The following SUMF1 variants were observed in gnomAD, a reference collection of about 807,000 sequenced individuals.
SUMF1 encodes formylglycine-generating enzyme.
A neutral mutation model predicts 47.6 loss-of-function variants in SUMF1; 48 were observed. The observed-to-expected ratio is 1.01, with a 90% CI of 0.80 to 1.28. SUMF1 has a LOEUF of 1.28. Ranked by LOEUF, SUMF1 falls within the 50% of genes most tolerant of loss-of-function variation. The pLI, the probability that SUMF1 is intolerant of heterozygous loss-of-function variation, is 0.00. For synonymous variants in SUMF1, 230 were observed against 192.1 expected, an observed-to-expected ratio of 1.20 and a Z score of -1.63; for missense variants, 571 against 485.4, an observed-to-expected ratio of 1.18 and a Z score of -1.66.
At chr3:4,159,898 A>AT (rs1299767847) in intron 8 of SUMF1, among the ~76,000 whole-genome samples, 1 of 152,144 alleles carries the variant, frequency 6.6e-6, no homozygotes, top group Non-Finnish European at 1.5e-5. Context: ...TGGCCTATAC[A>AT]GTTTCCACTG....
At chr3:4,216,737 T>C (rs1288304297) in intron 8 of SUMF1, among the ~76,000 whole-genome samples, 1 of 152,218 alleles carries the variant, frequency 6.6e-6, no homozygotes, top group African/African-American at 2.4e-5. Context: ...AGAAGACATT[T>C]ATGCAGTCAA....
chr3:4,161,488 CAACT>C (rs1694575575), intron 8 of SUMF1, among the ~76,000 whole-genome samples: 1 of 152,088 alleles, frequency 6.6e-6, no homozygotes, highest in African/African-American at 2.4e-5. Context: ...TCTATTCTAC[CAACT>C]GAGTTGGCAC....
chr3:4,360,312 C>T (rs2125171002), downstream of SUMF1, among the ~76,000 whole-genome samples: 1 of 146,030 alleles, frequency 6.8e-6, no homozygotes, highest in South Asian at 2.2e-4. Context: ...AACGTGCCAG[C>T]TACATGACTT....
chr3:4,071,324 C>T (rs929662757), intron 8 of SUMF1, among the ~76,000 whole-genome samples: 2 of 152,072 alleles, frequency 1.3e-5, no homozygotes, highest in African/African-American at 4.8e-5. Flanking sequence ...CCACAGAGGG[C>T]GAGCCAAAGC....
chr3:4,115,614 C>T (rs1693405030), intron 8 of SUMF1, among the ~76,000 whole-genome samples: 1 of 152,092 alleles, frequency 6.6e-6, no homozygotes, highest in Non-Finnish European at 1.5e-5. Flanking sequence ...GAGCCACACC[C>T]GCATCGCACC....
At chr3:4,411,093 T>TAAAAC in intron 6 of SUMF1, 115 bp from the exon 7 acceptor site, 4 of 907,006 alleles carry the variant, frequency 4.4e-6, no homozygotes, top group Non-Finnish European at 7.2e-6. Flanking sequence ...TGGGTTTTAT[T>TAAAAC]CCAACAGTCA....
chr3:4,150,433 G>A (rs979312814), intron 8 of SUMF1, among the ~76,000 whole-genome samples: 1 of 151,374 alleles, frequency 6.6e-6, no homozygotes, highest in African/African-American at 2.5e-5. Context: ...GTAGAGGCAG[G>A]TGCCTGTAGT....
In SUMF1 at chr3:4,255,516, G is replaced by A. The variant is rs1430856605; in HGVS notation, c.1014+120814C>T. Among the ~76,000 whole-genome samples, 4 of 83,896 alleles carry A rather than the reference G, an allele frequency of 4.8e-5. No homozygotes were observed. The East Asian group carries it at 7.3e-4, about 15-fold the overall frequency. The allele number at this position is 83,896 out of a possible 152,430, so 55.0% of individuals were successfully genotyped here. On this transcript the variant is annotated intron_variant and NMD_transcript_variant, in intron 8 of 12. Coordinates refer to the SUMF1 transcript ENST00000448413. ...ACCAACAAAGATCAAAAGAGACAAAGAAGGCCATTACATAATGGTAAAGGG... is the reference window on the plus strand; with the variant it reads ...ACCAACAAAGATCAAAAGAGACAAAAAAGGCCATTACATAATGGTAAAGGG...
chr3:4,209,400 C>G (rs1468521854), intron 8 of SUMF1, among the ~76,000 whole-genome samples: 7 of 152,140 alleles, frequency 4.6e-5, no homozygotes, highest in African/African-American at 9.7e-5. Context: ...GAACCTTAAT[C>G]ACTTAAACAT....
chr3:4,187,875 C>G (rs1695234220), intron 8 of SUMF1, among the ~76,000 whole-genome samples: 1 of 152,162 alleles, frequency 6.6e-6, no homozygotes, highest in Admixed American at 6.5e-5. Flanking sequence ...TATTTTCTGA[C>G]CATACACCCG....
chr3:4,424,207 GTTT>G (rs900358264), intron 3 of SUMF1, among the ~76,000 whole-genome samples: 1 of 152,060 alleles, frequency 6.6e-6, no homozygotes, highest in African/African-American at 2.4e-5. Flanking sequence ...TAGTACTATA[GTTT>G]TTTTATCTCC....
chr3:4,362,209 G>C lies in SUMF1; in HGVS notation c.1060C>G (p.Pro354Ala). The change falls in exon 9 of 9, where the codon CCT (proline) becomes GCT (alanine). Residue 354 changes from proline (P) to alanine (A), a missense_variant. Transcript: ENST00000272902. ...YRCAARSQNT[P>A]DSSASNLGFR... ...CCCAGATTCGAAGCAGAGCTATCAGGTGTGTTCTGGCTCCGAGCAGCACAG... is the reference window on the plus strand; with the variant it reads ...CCCAGATTCGAAGCAGAGCTATCAGCTGTGTTCTGGCTCCGAGCAGCACAG... 1.2e-6 allele frequency: 2 copies of C among 1,614,222 alleles called. No individual in the cohort carries two copies. The highest frequency in any genetic ancestry group is 1.3e-5 in the African/African-American group (1 of 75,068).
intron 3 of SUMF1, among the ~76,000 whole-genome samples, chr3:4,423,794 C>G (rs1022386066): frequency 6.6e-5 from 10 of 152,048 alleles, no homozygotes; most frequent in Admixed American, 6.6e-4. Flanking sequence ...TTGGGCCGTC[C>G]CCTTGGTGAT....
At chr3:4,452,026 A>G (rs1242177495) in intron 2 of SUMF1, among the ~76,000 whole-genome samples, 1 of 152,138 alleles carries the variant, frequency 6.6e-6, no homozygotes, top group Non-Finnish European at 1.5e-5. Flanking sequence ...GAAAATTCCA[A>G]AGAAATGTGA....
chr3:4,091,887 TAA>T (rs56037759), intron 8 of SUMF1, among the ~76,000 whole-genome samples: 1 of 143,294 alleles, frequency 7.0e-6, no homozygotes, highest in African/African-American at 2.6e-5. Context: ...GTGTGCAATT[TAA>T]AAAAAAAAAA....
At chr3:4,183,186 T>G (rs1238740384) in intron 8 of SUMF1, among the ~76,000 whole-genome samples, 1 of 152,232 alleles carries the variant, frequency 6.6e-6, no homozygotes, top group Non-Finnish European at 1.5e-5. Context: ...CAAAGACAGT[T>G]AATTTACTAC....
chr3:4,182,082 C>G (rs1212724194), intron 8 of SUMF1, among the ~76,000 whole-genome samples: 2 of 152,114 alleles, frequency 1.3e-5, no homozygotes, highest in Non-Finnish European at 2.9e-5. Flanking sequence ...TTGCCCTGGG[C>G]CCTGAAAATC....
intron 3 of SUMF1, among the ~76,000 whole-genome samples, 191 bp from the exon 4 acceptor site, chr3:4,420,337 T>C (rs1701851632): frequency 6.6e-6 from 1 of 151,910 alleles, no homozygotes; most frequent in Non-Finnish European, 1.5e-5. Flanking sequence ...TATTACTTCA[T>C]ATCATAAAGC....
intron 8 of SUMF1, among the ~76,000 whole-genome samples, chr3:4,213,189 G>C (rs1695837581): frequency 6.6e-6 from 1 of 152,096 alleles, no homozygotes; most frequent in South Asian, 2.1e-4. Context: ...ACAAAGGAGA[G>C]CCCATCAGAC....
Sources: gnomAD v4.1 joint callset for allele counts (sites outside exome capture counted in the v4.1 genomes callset) on GRCh38, gnomAD v4.1.1 for gene constraint, MANE v1.5 for transcripts, NCBI Gene and HGNC (gene_info 2026-07-23, HGNC 2026-07-21) for gene names.